SPHKAP: variants seen among roughly 807,000 people sequenced by gnomAD.
SPHKAP encodes the protein SPHK1 interactor, AKAP domain containing.
In SPHKAP, 67 loss-of-function variants were observed where a neutral mutation model predicts 137.5. The ratio of observed to expected loss-of-function variants is 0.49; its 90% confidence interval spans 0.40 to 0.60. The LOEUF is 0.60. SPHKAP is among the 20% of genes least tolerant of loss of function. SPHKAP has a pLI of 0.00. For synonymous variants in SPHKAP, 813 were observed against 785.3 expected (o/e 1.04, Z -0.59); for missense variants, 2,097 against 2,069.3 (o/e 1.01, Z -0.26).
chr2:228,098,227 A>G (rs1231805986), intron 3 of SPHKAP, among the ~76,000 whole-genome samples: 1 of 152,036 alleles, frequency 6.6e-6, no homozygotes, highest in Non-Finnish European at 1.5e-5. Context: ...CATTTCTCTG[A>G]TAATTACTGA....
chr2:228,101,754 G>A (rs920327551), intron 3 of SPHKAP, among the ~76,000 whole-genome samples: 9 of 152,146 alleles, frequency 5.9e-5, no homozygotes, highest in Non-Finnish European at 1.5e-5. Flanking sequence ...CCAGTCCCAG[G>A]TTCTAAATTG....
At chr2:228,048,432 C>A (rs910468585) in intron 3 of SPHKAP, among the ~76,000 whole-genome samples, 7 of 152,100 alleles carry the variant, frequency 4.6e-5, no homozygotes, top group Admixed American at 4.6e-4. Flanking sequence ...CTCACCTACT[C>A]CCTCCTGGCT....
chr2:228,148,994 G>A (rs1016422612), intron 1 of SPHKAP, among the ~76,000 whole-genome samples: 1 of 152,138 alleles, frequency 6.6e-6, no homozygotes, highest in African/African-American at 2.4e-5. Flanking sequence ...TGGGTAATAC[G>A]CTGGATTTGT....
intron 7 of SPHKAP, among the ~76,000 whole-genome samples, chr2:228,007,489 C>G (rs1694187404): frequency 6.6e-6 from 1 of 152,074 alleles, no homozygotes; most frequent in Non-Finnish European, 1.5e-5. Flanking sequence ...CAGTCCCCAG[C>G]CTCTGGAAAT....
At chr2:228,163,458 A>G (rs1001109795) in intron 1 of SPHKAP, among the ~76,000 whole-genome samples, 39 of 152,178 alleles carry the variant, frequency 2.6e-4, no homozygotes, top group African/African-American at 9.4e-4. Context: ...AGACTAAGGT[A>G]CTAAGTGACC....
intron 1 of SPHKAP, among the ~76,000 whole-genome samples, chr2:228,169,222 G>A (rs772814979): frequency 3.9e-5 from 6 of 152,176 alleles, no homozygotes; most frequent in African/African-American, 7.2e-5. Context: ...TATTGATGAA[G>A]GTGGCTTCAA....
intron 1 of SPHKAP, among the ~76,000 whole-genome samples, chr2:228,176,209 C>T (rs1280436533): frequency 6.6e-6 from 1 of 152,180 alleles, no homozygotes; most frequent in Non-Finnish European, 1.5e-5. Flanking sequence ...AAGTATAATG[C>T]TGCTTTCCAC....
intron 3 of SPHKAP, among the ~76,000 whole-genome samples, chr2:228,060,878 G>A (rs1696610369): frequency 6.6e-6 from 1 of 152,110 alleles, no homozygotes; most frequent in Non-Finnish European, 1.5e-5. Flanking sequence ...AGTATAATGG[G>A]TGACCGAGAA....
Position 227,991,249 on chromosome 2 carries a change from T to C in SPHKAP, c.4774+25A>G, listed in dbSNP as rs1344508603. On this transcript the variant is annotated intron_variant, in intron 10 of 11. Transcript: ENST00000392056. ...AAGGGACAGCCCAGGCAATTGTGTG[T>C]CAAAAGTATGGGAAGGTGGCTTACC... The C allele has an allele frequency of 3.1e-6, 5 of 1,614,086 alleles. No homozygotes were observed. In the African/African-American group the frequency reaches 6.7e-5, roughly 22 times the overall value.
At position 228,027,335 on chromosome 2, in the gene SPHKAP, G is replaced by A. The variant is rs1695083115; in HGVS notation, c.306+149C>T. The A allele has an allele frequency of 3.9e-6, 3 of 774,788 alleles. No homozygotes were observed. The East Asian group carries it at 7.8e-5, about 20-fold the overall frequency. The allele number at this position is 774,788 out of a possible 1,614,324, so 48.0% of individuals were successfully genotyped here. A position where few individuals can be genotyped will look rare whatever the true frequency, so the allele number is the denominator to read the frequency against. On this transcript the variant is annotated intron_variant, in intron 4 of 11. Transcript: ENST00000392056. ...ATGTAAAAAGGGCAAACGGTAGAGG[G>A]TAAGTGCTAGGGAAAGGGTCGGGGA...
At chr2:228,065,476 A>G (rs1696794073) in intron 3 of SPHKAP, among the ~76,000 whole-genome samples, 1 of 152,222 alleles carries the variant, frequency 6.6e-6, no homozygotes, top group Non-Finnish European at 1.5e-5. Flanking sequence ...CAGTGGGTTT[A>G]GTTGCTGCAG....
chr2:227,987,871 A>T (rs1693269974), intron 11 of SPHKAP, among the ~76,000 whole-genome samples: 1 of 152,184 alleles, frequency 6.6e-6, no homozygotes, highest in Non-Finnish European at 1.5e-5. Context: ...GCCCAAAAAA[A>T]TTTTAGGATT....
Position 228,003,581 on chromosome 2 carries a change from C to T in SPHKAP, c.4449-7887G>A, listed in dbSNP as rs1055782878. The stretch of plus-strand genomic sequence containing the variant: ...CTTTCCCCTGCCCGATTGCCCTGTC[C>T]AGAACTTCCAAAACTATGTTGGATA... On this transcript the variant is annotated intron_variant, in intron 7 of 11. Transcript: ENST00000392056. 3.3e-5 allele frequency among the ~76,000 whole-genome samples: 5 copies of T among 152,186 alleles called. 1 individual carries two copies. In the South Asian group the frequency reaches 1.0e-3, roughly 32 times the overall value.
In SPHKAP at chr2:228,016,452, C is replaced by G. The variant is rs771313468; in HGVS notation, c.4402G>C (p.Val1468Leu). The part of the protein sequence containing the change: ...GHSNDKNIPD[V>L]VRGGDTAVSA... ...ACGGCTGTGTCTCCACCTCTCACCA[C>G]ATCTGGGATGTTTTTGTCATTCGAA... Residue 1468 changes from valine to leucine, a missense_variant, in exon 7 of 12, where the codon GTG (valine) becomes CTG (leucine). Transcript: ENST00000392056. 3 of 1,611,412 alleles carry G rather than the reference C, an allele frequency of 1.9e-6. No homozygotes were observed. Among genetic ancestry groups the G allele is most frequent in the African/African-American group, 2.7e-5 (2 of 74,678 alleles).
chr2:228,031,976 TCTC>T (rs1695344987), intron 3 of SPHKAP, among the ~76,000 whole-genome samples: 1 of 151,984 alleles, frequency 6.6e-6, no homozygotes, highest in African/African-American at 2.4e-5. Context: ...GCAGAGCGCC[TCTC>T]CTCCTCCAAA....
At chr2:228,066,329 T>C (rs1696827320) in intron 3 of SPHKAP, among the ~76,000 whole-genome samples, 1 of 152,208 alleles carries the variant, frequency 6.6e-6, no homozygotes, top group Non-Finnish European at 1.5e-5. Flanking sequence ...GAAAGAACTG[T>C]GATCCCAGTG....
At chr2:228,126,416 T>C (rs1195163316) in intron 2 of SPHKAP, among the ~76,000 whole-genome samples, 1 of 152,132 alleles carries the variant, frequency 6.6e-6, no homozygotes, top group Admixed American at 6.5e-5. Flanking sequence ...ATAGGCTCAA[T>C]TATCAATGTC....
chr2:228,070,879 A>G (rs1696983220), intron 3 of SPHKAP, among the ~76,000 whole-genome samples: 1 of 152,172 alleles, frequency 6.6e-6, no homozygotes, highest in Admixed American at 6.5e-5. Flanking sequence ...AAACTGAGTT[A>G]GAGACATTAT....
intron 3 of SPHKAP, among the ~76,000 whole-genome samples, chr2:228,048,544 C>T (rs181110562): frequency 7.0e-4 from 107 of 152,148 alleles, no homozygotes; most frequent in East Asian, 5.8e-3. Context: ...AATGACAGAA[C>T]GCATATATGA....
Sources: allele counts gnomAD v4.1 joint callset (sites outside exome capture counted in the v4.1 genomes callset), GRCh38; gene constraint gnomAD v4.1.1; transcripts MANE v1.5; gene names NCBI Gene and HGNC (gene_info 2026-07-23, HGNC 2026-07-21).